The following KCNE2 variants were observed in gnomAD, a reference collection of about 807,000 sequenced individuals.
KCNE2 encodes potassium voltage-gated channel subfamily E member 2.
In KCNE2, 4 loss-of-function variants were observed where a neutral mutation model predicts 4.5. The ratio of observed to expected loss-of-function variants is 0.89; its 90% CI spans 0.44 to 2.03. The LOEUF (loss-of-function observed/expected upper bound fraction) is 2.03. Ranked by LOEUF, KCNE2 falls within the 30% of genes most tolerant of loss-of-function variation. The pLI, the probability that KCNE2 is intolerant of heterozygous loss-of-function variation, is 0.03. For synonymous variants in KCNE2, 57 were observed against 55.9 expected, an observed-to-expected ratio of 1.02 and a Z score of -0.09; for missense variants, 137 against 151.4, an observed-to-expected ratio of 0.90 and a Z score of 0.50.
At chr21:34,368,230 ATATATATATAT>A (rs1979407958) in intron 1 of KCNE2, among the ~76,000 whole-genome samples, 1 of 13,074 alleles carries the variant, frequency 7.6e-5, no homozygotes. Context: ...CACACACACA[ATATATATATAT>A]ATATATATAT....
At chr21:34,366,974 CAAAAAAAAAAAA>C (rs747133749) in intron 1 of KCNE2, among the ~76,000 whole-genome samples, 43 of 14,818 alleles carry the variant, frequency 2.9e-3, no homozygotes, top group Middle Eastern at 0.2. Flanking sequence ...GACTCCATCT[CAAAAAAAAAAAA>C]AAAAAAAAAA....
At chr21:34,368,229 A>ATATATATATATATATAT (rs781775671) in intron 1 of KCNE2, among the ~76,000 whole-genome samples, 3 of 84,796 alleles carry the variant, frequency 3.5e-5, no homozygotes, top group South Asian at 4.5e-4. Context: ...ACACACACAC[A>ATATATATATATATATAT]ATATATATAT....
In KCNE2 at chr21:34,370,635, C is replaced by T. The variant is rs1411888390; in HGVS notation, c.157C>T (p.Leu53Phe). 6.2e-7 allele frequency: 1 copy of T among 1,614,212 alleles called. No individual in the cohort carries two copies. Among genetic ancestry groups the T allele is most frequent in the Admixed American group, 1.7e-5 (1 of 60,026 alleles). ...AENFYYVILY[L>F]MVMIGMFSFI... ...GAACTTCTACTATGTCATCCTGTAC[C>T]TCATGGTGATGATTGGAATGTTCTC... The change falls in exon 2 of 2, where the codon CTC becomes TTC. Residue 53 changes from leucine (L) to phenylalanine (F), a missense_variant. By Grantham distance (22) the Leu-to-Phe change is conservative (BLOSUM62 0). Coordinates refer to ENST00000290310, the MANE Select transcript of KCNE2 (RefSeq NM_172201.2).
chr21:34,364,772 CAAAA>C (rs60945367), intron 1 of KCNE2, among the ~76,000 whole-genome samples: 1 of 135,188 alleles, frequency 7.4e-6, no homozygotes, highest in Non-Finnish European at 1.6e-5. Context: ...GACTCCATCT[CAAAA>C]AAAAAAAAAA....
chr21:34,367,788 T>C (rs1568811996), intron 1 of KCNE2, among the ~76,000 whole-genome samples: 1 of 152,128 alleles, frequency 6.6e-6, no homozygotes, highest in Non-Finnish European at 1.5e-5. Context: ...GGCATGTCTT[T>C]AGAACGGCAG....
At chr21:34,368,229 A>ACAATATATATATAT (rs781775671) in intron 1 of KCNE2, among the ~76,000 whole-genome samples, 7 of 84,794 alleles carry the variant, frequency 8.3e-5, no homozygotes, top group African/African-American at 1.8e-4. Context: ...ACACACACAC[A>ACAATATATATATAT]ATATATATAT....
Position 34,370,768 on chromosome 21 carries a change from A to G in KCNE2, c.290A>G (p.Lys97Arg), listed in dbSNP as rs1448800754. 1 of 1,614,222 alleles carries G rather than the reference A, an allele frequency of 6.2e-7. No individual in the cohort carries two copies. The highest frequency in any genetic ancestry group is 2.2e-5 in the East Asian group (1 of 44,888). Reference sequence around the variant, plus strand: ...GTAGAGGACTGGCAGGAAAAGTACAAGAGCCAAATCTTGAATCTAGAAGAA... The same window carrying G: ...GTAGAGGACTGGCAGGAAAAGTACAGGAGCCAAATCTTGAATCTAGAAGAA... ...YIVEDWQEKY[K>R]SQILNLEESK... The change falls in exon 2 of 2, where the codon AAG becomes AGG. Residue 97 changes from lysine to arginine, a missense_variant. Lys to Arg is a conservative substitution (Grantham distance 26, BLOSUM62 2). Coordinates refer to ENST00000290310, the MANE Select transcript of KCNE2 (RefSeq NM_172201.2).
chr21:34,368,229 A>ACAAT (rs781775671), intron 1 of KCNE2, among the ~76,000 whole-genome samples: 36 of 84,782 alleles, frequency 4.2e-4, no homozygotes, highest in South Asian at 3.2e-3. Flanking sequence ...ACACACACAC[A>ACAAT]ATATATATAT....
At chr21:34,368,238 A>C (rs1280942879) in intron 1 of KCNE2, among the ~76,000 whole-genome samples, 1 of 107,110 alleles carries the variant, frequency 9.3e-6, no homozygotes, top group African/African-American at 4.3e-5. Flanking sequence ...CAATATATAT[A>C]TATATATATA....
intron 1 of KCNE2, among the ~76,000 whole-genome samples, chr21:34,369,706 T>C (rs1327292028): frequency 1.3e-5 from 2 of 152,300 alleles, no homozygotes; most frequent in South Asian, 2.1e-4. Context: ...CCAGTGGTGA[T>C]GAAAAGGAGA....
At chr21:34,369,379 G>A (rs1019270995) in intron 1 of KCNE2, among the ~76,000 whole-genome samples, 7 of 152,040 alleles carry the variant, frequency 4.6e-5, no homozygotes, top group African/African-American at 9.7e-5. Context: ...TTGAAACCCC[G>A]TCTCTACCAA....
Position 34,370,621 on chromosome 21 carries a change from A to G in KCNE2, c.143A>G (p.Tyr48Cys). 6.2e-7 allele frequency: 1 copy of G among 1,614,174 alleles called. No homozygotes were observed. Among genetic ancestry groups the G allele is most frequent in the Non-Finnish European group, 8.5e-7 (1 of 1,180,028 alleles). Residue 48 changes from tyrosine to cysteine, a missense_variant, in exon 2 of 2, where the codon TAT (tyrosine) becomes TGT (cysteine). Tyr to Cys is a radical substitution (Grantham distance 194). Coordinates refer to ENST00000290310, the MANE Select transcript of KCNE2 (RefSeq NM_172201.2). ...QAKVDAENFY[Y>C]VILYLMVMIG... ...AAAGTTGATGCTGAGAACTTCTACT[A>G]TGTCATCCTGTACCTCATGGTGATG...
chr21:34,369,501 G>A (rs111547355), intron 1 of KCNE2, among the ~76,000 whole-genome samples: 66 of 152,138 alleles, frequency 4.3e-4, no homozygotes, highest in African/African-American at 1.5e-3. Context: ...AGTGAGCAGA[G>A]ATCGTGCCAC....
intron 1 of KCNE2, among the ~76,000 whole-genome samples, chr21:34,366,560 C>T (rs973677584): frequency 7.9e-5 from 12 of 152,142 alleles, no homozygotes; most frequent in African/African-American, 2.9e-4. Flanking sequence ...CCCTGCCTTC[C>T]GGGGGCTCAA....
rs759881023 is a variant in KCNE2 at position 34,371,326 on chromosome 21, T to C, written c.*476T>C. 4.9e-6 allele frequency: 1 copy of C among 204,996 alleles called. No homozygotes were observed. The highest frequency in any genetic ancestry group is 1.0e-5 in the Non-Finnish European group (1 of 99,924). The allele number at this position is 204,996 out of a possible 1,614,324, so 12.7% of individuals were successfully genotyped here. A position where few individuals can be genotyped will look rare whatever the true frequency, so the allele number is the denominator to read the frequency against. ...CCAGACGGACATAGGAGCATTTATC[T>C]GTAATATTAATTCATGAGTGTGGAG... is the stretch of plus-strand genomic sequence containing the variant. On this transcript the variant is annotated 3_prime_UTR_variant, in exon 2 of 2. Coordinates refer to ENST00000290310, the MANE Select transcript of KCNE2 (RefSeq NM_172201.2).
Position 34,370,440 on chromosome 21 carries a change from T to C in KCNE2, c.-12-27T>C, listed in dbSNP as rs538842302. 9.6e-4 allele frequency: 1,554 copies of C among 1,614,168 alleles called. 17 individuals are homozygous for C. The South Asian group carries it at 0.016, about 17-fold the overall frequency. ...AAAAGATCCGTTTTCCTAACCTTGT[T>C]CGCCTATTTTATTATTTAAATTGCA... On this transcript the variant is annotated intron_variant, in intron 1 of 1. Transcript: ENST00000290310.
intron 1 of KCNE2, among the ~76,000 whole-genome samples, chr21:34,364,545 G>A (rs999110696): frequency 1.1e-4 from 17 of 152,170 alleles, no homozygotes; most frequent in African/African-American, 3.6e-4. Context: ...TGAGGCAGGC[G>A]GATCACCTGA....
At chr21:34,366,258 C>A (rs954443640) in intron 1 of KCNE2, among the ~76,000 whole-genome samples, 1 of 152,080 alleles carries the variant, frequency 6.6e-6, no homozygotes, top group Non-Finnish European at 1.5e-5. Flanking sequence ...CCAGGAGTCC[C>A]CTGAAATTGA....
chr21:34,370,530 AT>A lies in KCNE2; in HGVS notation c.57del (p.Phe19LeufsTer37), dbSNP rs762880940. 6.2e-7 allele frequency: 1 copy of A among 1,614,156 alleles called. No individual in the cohort carries two copies. ...GACGCTGGAAGACGTCTTCCGAAGG[AT>A]TTTTATTACTTATATGGACAATTGG... Reference protein sequence around the residue: ...TQTLEDVFRRIFITYMDNWRQ... With the variant: ...TQTLEDVFRRXFITYMDNWRQ... On this transcript the variant is annotated frameshift_variant, in exon 2 of 2. Transcript: ENST00000290310. LOFTEE classifies it high-confidence loss of function.
Sources: allele counts gnomAD v4.1 joint callset (sites outside exome capture counted in the v4.1 genomes callset), GRCh38; gene constraint gnomAD v4.1.1; transcripts MANE v1.5; gene names NCBI Gene and HGNC (gene_info 2026-07-23, HGNC 2026-07-21).